The following RBFOX3 variants were observed in gnomAD, a reference collection of about 807,000 sequenced individuals.
The protein encoded by RBFOX3 is RNA binding fox-1 homolog 3.
A neutral mutation model predicts 48.7 loss-of-function variants in RBFOX3; 17 were observed. The ratio of observed to expected loss-of-function variants is 0.35; its 90% CI spans 0.24 to 0.52. RBFOX3 has a LOEUF of 0.52. Among genes scored for constraint, RBFOX3 ranks in the 20% least tolerant of loss-of-function variants. The pLI, the probability that RBFOX3 is intolerant of heterozygous loss-of-function variation, is 0.94. For missense variants in RBFOX3, 382 were observed against 497.5 expected, an observed-to-expected ratio of 0.77 and a Z score of 2.21; for synonymous variants, 212 against 209.5, an observed-to-expected ratio of 1.01 and a Z score of -0.10.
At position 79,477,452 on chromosome 17, in the gene RBFOX3, A is replaced by T. The variant is rs1432423654; in HGVS notation, c.-175+5002T>A. Among the ~76,000 whole-genome samples the T allele has an allele frequency of 6.6e-6, 1 of 151,678 alleles. No homozygotes were observed. Among genetic ancestry groups the T allele is most frequent in the Non-Finnish European group, 1.5e-5 (1 of 67,956 alleles). On this transcript the variant is annotated intron_variant, in intron 2 of 14. Transcript: ENST00000693108. This position sits in a 1 kb window ranked among gnomAD's most constrained non-coding sequence, Gnocchi z 4.8. ...GCGCCTGTAGTCCCAGCTACTTGGG[A>T]GGCTGAGGCAGGAGAATGGCGTGAA...
chr17:79,484,717 C>A (rs1467748917), intron 1 of RBFOX3, among the ~76,000 whole-genome samples: 1 of 152,064 alleles, frequency 6.6e-6, no homozygotes, highest in Non-Finnish European at 1.5e-5. Context: ...TTCTCTGCGA[C>A]CTAAGTGCTT....
intron 2 of RBFOX3, among the ~76,000 whole-genome samples, chr17:79,397,727 C>T (rs575030986): frequency 8.5e-5 from 13 of 152,250 alleles, no homozygotes; most frequent in East Asian, 3.9e-4. Context: ...ACAGGAGTCA[C>T]GGCAGGGACC....
At position 79,199,274 on chromosome 17, in the gene RBFOX3, GC is replaced by G. The variant is rs2056336966; in HGVS notation, c.-34+36491del. 6.6e-6 allele frequency among the ~76,000 whole-genome samples: 1 copy of G among 152,192 alleles called. No individual in the cohort carries two copies. The highest frequency in any genetic ancestry group is 2.1e-4 in the South Asian group (1 of 4,830). On this transcript the variant is annotated intron_variant, in intron 4 of 14. Coordinates refer to ENST00000693108, the MANE Select transcript of RBFOX3 (RefSeq NM_001350451.2). The surrounding 1 kb of genome is among the most constrained non-coding windows in gnomAD (Gnocchi z 5.1). ...CCACCCTCGGCAGCACCACCCACCAGCCCCTTCCGGTGGACTTCACACCTGC... is the reference window on the plus strand; with the variant it reads ...CCACCCTCGGCAGCACCACCCACCAGCCCTTCCGGTGGACTTCACACCTGC...
intron 3 of RBFOX3, among the ~76,000 whole-genome samples, chr17:79,306,159 G>C (rs2076063446): frequency 6.6e-6 from 1 of 152,270 alleles, no homozygotes; most frequent in South Asian, 2.1e-4. Flanking sequence ...GCTGCAGCCA[G>C]ATAACGCCAG....
intron 4 of RBFOX3, among the ~76,000 whole-genome samples, chr17:79,171,980 C>G (rs1457243288): frequency 6.6e-6 from 1 of 151,940 alleles, no homozygotes; most frequent in South Asian, 2.1e-4. Context: ...TCGAGACCAG[C>G]CTGGCCAACA....
At chr17:79,437,640 G>A (rs1161473658) in intron 2 of RBFOX3, among the ~76,000 whole-genome samples, 1 of 152,288 alleles carries the variant, frequency 6.6e-6, no homozygotes, top group Non-Finnish European at 1.5e-5. Context: ...GGGGATGGAG[G>A]GCTGGTCTTC....
chr17:79,636,883 A>T, the RBFOX3 span, among the ~76,000 whole-genome samples: 10 of 152,120 alleles, frequency 6.6e-5, no homozygotes, highest in East Asian at 1.9e-3. Context: ...GAGTGGATTT[A>T]AAAAAAACAA....
intron 2 of RBFOX3, among the ~76,000 whole-genome samples, chr17:79,347,425 A>C (rs9898046): frequency 0.83 from 125,554 of 152,068 alleles, 52,341 homozygotes; most frequent in Non-Finnish European, 0.9. Context: ...TTTTCTTCAT[A>C]TATGTCCTCT....
chr17:79,259,059 C>T (rs1426081493), intron 3 of RBFOX3, among the ~76,000 whole-genome samples: 1 of 152,242 alleles, frequency 6.6e-6, no homozygotes, highest in African/African-American at 2.4e-5. Context: ...TGCTCAAAAC[C>T]AGAAATGTCA....
At chr17:79,305,142 T>C (rs566930117) in intron 3 of RBFOX3, among the ~76,000 whole-genome samples, 2 of 151,708 alleles carry the variant, frequency 1.3e-5, no homozygotes, top group Non-Finnish European at 2.9e-5. Flanking sequence ...CATCAACCCC[T>C]CCGATGGTGG....
chr17:79,527,327 AGAG>A (rs2086932508), intron 1 of RBFOX3, among the ~76,000 whole-genome samples: 1 of 152,090 alleles, frequency 6.6e-6, no homozygotes, highest in South Asian at 2.1e-4. Context: ...CTTCTAGGAG[AGAG>A]AAGAAAAGCC....
At chr17:79,247,082 A>T (rs12051621) in intron 3 of RBFOX3, among the ~76,000 whole-genome samples, 1 of 152,110 alleles carries the variant, frequency 6.6e-6, no homozygotes, top group African/African-American at 2.4e-5. Context: ...TTCCTCTAAG[A>T]TTTTCAGAAA....
At chr17:79,587,909 T>C (rs1434112842) in intron 1 of RBFOX3, among the ~76,000 whole-genome samples, 2 of 152,148 alleles carry the variant, frequency 1.3e-5, no homozygotes, top group African/African-American at 4.8e-5. Flanking sequence ...CAATCATACC[T>C]CACTGCAACC....
rs960724167 is a variant in RBFOX3 at position 79,443,928 on chromosome 17, G to A, written c.-175+38526C>T. ...TACCCGTGACTTACTGGGCTATCCC[G>A]AGTGCCGTGACACTTCATCTCATGG... On this transcript the variant is annotated intron_variant, in intron 2 of 14. Coordinates refer to ENST00000693108, the MANE Select transcript of RBFOX3 (RefSeq NM_001350451.2). This position sits in a 1 kb window ranked among gnomAD's most constrained non-coding sequence, Gnocchi z 4.4. Among the ~76,000 whole-genome samples, 2 of 152,170 alleles carry A rather than the reference G, an allele frequency of 1.3e-5. No individual in the cohort carries two copies. Among genetic ancestry groups the A allele is most frequent in the African/African-American group, 2.4e-5 (1 of 41,440 alleles).
At chr17:79,544,108 C>T (rs2090079623) in intron 1 of RBFOX3, among the ~76,000 whole-genome samples, 1 of 152,228 alleles carries the variant, frequency 6.6e-6, no homozygotes, top group African/African-American at 2.4e-5. Context: ...GCCATCCTCA[C>T]AGTGACCCTA....
At chr17:79,433,757 A>G (rs1261002143) in intron 2 of RBFOX3, among the ~76,000 whole-genome samples, 1 of 150,846 alleles carries the variant, frequency 6.6e-6, no homozygotes, top group Non-Finnish European at 1.5e-5. Flanking sequence ...GACATTTGCC[A>G]TGGTTATGTT....
At chr17:79,620,417 G>A in the RBFOX3 span, among the ~76,000 whole-genome samples, 1 of 139,792 alleles carries the variant, frequency 7.2e-6, no homozygotes, top group Non-Finnish European at 1.5e-5. Flanking sequence ...ACACGGACAT[G>A]CACACACGCA....
intron 3 of RBFOX3, among the ~76,000 whole-genome samples, chr17:79,285,677 G>A (rs1437106091): frequency 6.7e-6 from 1 of 148,744 alleles, no homozygotes; most frequent in African/African-American, 2.5e-5. Flanking sequence ...TTCATGCATT[G>A]GTTTTTGTTT....
At chr17:79,649,700 CAAAAAAGA>C in the RBFOX3 span, among the ~76,000 whole-genome samples, 16 of 149,580 alleles carry the variant, frequency 1.1e-4, no homozygotes, top group Non-Finnish European at 1.8e-4. Flanking sequence ...CACTCCACCT[CAAAAAAGA>C]AAAAAAGAAA....
Sources: allele counts gnomAD v4.1 joint callset (sites outside exome capture counted in the v4.1 genomes callset), GRCh38; gene constraint gnomAD v4.1.1; non-coding constraint Gnocchi (gnomAD v3.1); transcripts MANE v1.5; gene names NCBI Gene and HGNC (gene_info 2026-07-23, HGNC 2026-07-21).